Variants in NXPE3 observed in about 807,000 individuals in gnomAD.
NXPE3 encodes the protein NXPE family member 3.
Under a neutral mutation model 46.1 loss-of-function variants are expected in NXPE3, and 26 were observed. The ratio of observed to expected loss-of-function variants is 0.56; its 90% CI spans 0.41 to 0.78. The LOEUF (loss-of-function observed/expected upper bound fraction) is 0.78, where lower values mean the gene tolerates loss of function less well. Ranked by LOEUF, NXPE3 falls within the 30% of genes least tolerant of loss-of-function variation. The pLI is 0.00. For synonymous variants in NXPE3, 272 were observed against 257.9 expected (o/e 1.05, Z -0.52); for missense variants, 620 against 686.0 (o/e 0.90, Z 1.07).
At chr3:101,805,228 TTATTTAA>T (rs1414470176) in intron 5 of NXPE3, among the ~76,000 whole-genome samples, 5 of 152,208 alleles carry the variant, frequency 3.3e-5, no homozygotes, top group Non-Finnish European at 7.3e-5. Flanking sequence ...TATAGTACTG[TTATTTAA>T]TATGCAGTTC....
intron 5 of NXPE3, among the ~76,000 whole-genome samples, chr3:101,802,418 GA>G (rs1941215529): frequency 6.6e-6 from 1 of 151,866 alleles, no homozygotes; most frequent in Non-Finnish European, 1.5e-5. Context: ...AGGAGTTTGA[GA>G]CCAGCCTGGG....
At chr3:101,816,272 T>C (rs569043314) in intron 6 of NXPE3, among the ~76,000 whole-genome samples, 40 of 98,338 alleles carry the variant, frequency 4.1e-4, no homozygotes, top group Admixed American at 3.5e-3. Flanking sequence ...AAGGAAAACC[T>C]TTTTTTTTTT....
At chr3:101,810,305 A>G (rs1486302922) in intron 6 of NXPE3, among the ~76,000 whole-genome samples, 1 of 152,136 alleles carries the variant, frequency 6.6e-6, no homozygotes, top group Non-Finnish European at 1.5e-5. Context: ...TTTTGGGGGA[A>G]CTTACTGAGA....
chr3:101,787,200 C>A (rs1489503933), intron 4 of NXPE3, among the ~76,000 whole-genome samples: 1 of 152,104 alleles, frequency 6.6e-6, no homozygotes, highest in South Asian at 2.1e-4. Flanking sequence ...CCATTCCTGC[C>A]TATCCCCTGC....
chr3:101,807,031 T>C, intron 5 of NXPE3, 22 bp from the exon 6 acceptor site: 2 of 1,564,178 alleles, frequency 1.3e-6, no homozygotes, highest in East Asian at 2.2e-5. Flanking sequence ...CCTGAGCTTG[T>C]GCTTTTTTAT....
rs957448955 is a variant in NXPE3, at chr3:101,827,707, G to T, written c.*5753G>T. ...GATTCCTCCCTGCGGCTCCAGTCCA[G>T]GTCTTGGAGCCGGCCCTCGAGGGGA... On this transcript the variant is annotated 3_prime_UTR_variant, in exon 8 of 8. Transcript: ENST00000273347. 6.6e-6 allele frequency among the ~76,000 whole-genome samples: 1 copy of T among 152,138 alleles called. No individual in the cohort carries two copies. The highest frequency in any genetic ancestry group is 1.5e-5 in the Non-Finnish European group (1 of 68,028).
At chr3:101,812,835 A>AAAAAG (rs1560061727) in intron 6 of NXPE3, among the ~76,000 whole-genome samples, 3 of 142,406 alleles carry the variant, frequency 2.1e-5, no homozygotes, top group Admixed American at 6.9e-5. Context: ...AAAAAAAAAA[A>AAAAAG]AAAAAAAGAT....
rs1942506865 is a variant in NXPE3, at chr3:101,826,807, G to T, written c.*4853G>T. 6.6e-6 allele frequency: 1 copy of T among 152,218 alleles called. No individual in the cohort carries two copies. Among genetic ancestry groups the T allele is most frequent in the South Asian group, 2.1e-4 (1 of 4,820 alleles). 9.4% of individuals were successfully genotyped at this position (152,218 alleles called of 1,614,324 possible). A position where few individuals can be genotyped will look rare whatever the true frequency, so the allele number is the denominator to read the frequency against. Reference sequence around the variant, plus strand: ...CCAGCACTTTGGGAGGCCGAGGTGGGCGGATCACCTGAGGTCAAGAGTTCA... The same window carrying T: ...CCAGCACTTTGGGAGGCCGAGGTGGTCGGATCACCTGAGGTCAAGAGTTCA... On this transcript the variant is annotated 3_prime_UTR_variant, in exon 8 of 8. Transcript: ENST00000273347.
At chr3:101,814,126 C>T (rs1167542958) in intron 6 of NXPE3, among the ~76,000 whole-genome samples, 7 of 152,156 alleles carry the variant, frequency 4.6e-5, no homozygotes, top group Middle Eastern at 3.4e-3. Context: ...ACAGAATAAC[C>T]GAGTCTACCG....
chr3:101,819,129 A>G (rs1942132089), intron 7 of NXPE3, among the ~76,000 whole-genome samples: 1 of 152,118 alleles, frequency 6.6e-6, no homozygotes, highest in Non-Finnish European at 1.5e-5. Context: ...GAGGGCAAGG[A>G]CTATATAGCT....
At chr3:101,795,458 C>A (rs1046463672) in intron 4 of NXPE3, among the ~76,000 whole-genome samples, 1 of 150,114 alleles carries the variant, frequency 6.7e-6, no homozygotes, top group Non-Finnish European at 1.5e-5. Flanking sequence ...TCAGAGGTTG[C>A]ACTGAGCTGA....
Position 101,826,685 on chromosome 3 carries a change from T to G in NXPE3, c.*4731T>G, listed in dbSNP as rs1942501317. 6.6e-6 allele frequency: 1 copy of G among 152,188 alleles called. No homozygotes were observed. The highest frequency in any genetic ancestry group is 1.5e-5 in the Non-Finnish European group (1 of 68,036). 9.4% of individuals were successfully genotyped at this position (152,188 alleles called of 1,614,324 possible). On this transcript the variant is annotated 3_prime_UTR_variant, in exon 8 of 8. Coordinates refer to ENST00000273347, the MANE Select transcript of NXPE3 (RefSeq NM_145037.4). ...GAAGCTAGGAGAGCAGAAAATGTAC[T>G]CCACCACCTTCTGTCTAACTTGTCT...
intron 6 of NXPE3, among the ~76,000 whole-genome samples, chr3:101,815,914 T>G (rs1941949524): frequency 6.6e-6 from 1 of 152,078 alleles, no homozygotes; most frequent in Non-Finnish European, 1.5e-5. Flanking sequence ...GAGAATCGCT[T>G]GAACCCAGGA....
chr3:101,801,627 G>A lies in NXPE3; in HGVS notation c.486G>A (p.Val162=). 1 of 1,614,170 alleles carries A rather than the reference G, an allele frequency of 6.2e-7. No homozygotes were observed. Among genetic ancestry groups the A allele is most frequent in the Non-Finnish European group, 8.5e-7 (1 of 1,180,036 alleles). Residue 162 remains valine (V), a synonymous_variant, in exon 5 of 8, where the codon GTG becomes GTA. Transcript: ENST00000273347. ...AGGCTGGGGCTGTGGGCAGGGTGGT[G>A]GATTACCAGAATGGGTTTTACAAGG... is the stretch of plus-strand genomic sequence containing the variant. ...KLQAGAVGRV[V]DYQNGFYKVF... is the part of the protein sequence containing the mutation.
At chr3:101,815,980 G>A (rs796871944) in intron 6 of NXPE3, among the ~76,000 whole-genome samples, 6 of 151,690 alleles carry the variant, frequency 4.0e-5, no homozygotes, top group Non-Finnish European at 7.4e-5. Flanking sequence ...TGGCGACAGA[G>A]CGAGACTCTG....
chr3:101,780,282 T>C (rs1402818919), intron 1 of NXPE3, among the ~76,000 whole-genome samples: 3 of 152,204 alleles, frequency 2.0e-5, no homozygotes, highest in Non-Finnish European at 4.4e-5. Flanking sequence ...TGAATTTGTT[T>C]AGTATTTTTT....
intron 1 of NXPE3, 34 bp downstream of exon 1, chr3:101,779,358 G>C (rs897056597): frequency 3.9e-5 from 6 of 152,476 alleles, no homozygotes; most frequent in African/African-American, 1.4e-4. Context: ...TGCGGACGTC[G>C]GGAGGGGCCG....
chr3:101,813,489 A>T (rs1017776495), intron 6 of NXPE3, among the ~76,000 whole-genome samples: 3 of 152,218 alleles, frequency 2.0e-5, no homozygotes, highest in Non-Finnish European at 4.4e-5. Flanking sequence ...CATTATGGCT[A>T]ATGGATTACA....
intron 6 of NXPE3, among the ~76,000 whole-genome samples, chr3:101,816,113 G>A (rs954045887): frequency 6.6e-6 from 1 of 152,098 alleles, no homozygotes; most frequent in East Asian, 1.9e-4. Context: ...GCAGTGAGCC[G>A]AGATTGTGCC....
Sources: gnomAD v4.1 joint callset for allele counts (sites outside exome capture counted in the v4.1 genomes callset) on GRCh38, gnomAD v4.1.1 for gene constraint, MANE v1.5 for transcripts, NCBI Gene and HGNC (gene_info 2026-07-23, HGNC 2026-07-21) for gene names.